EBF4: variants seen among roughly 807,000 people sequenced by gnomAD.
EBF4 encodes the protein EBF transcription factor 4.
Under a neutral mutation model 67.1 loss-of-function variants are expected in EBF4, and 34 were observed. That is an observed-to-expected ratio of 0.51 (90% CI 0.39 to 0.67). The LOEUF (loss-of-function observed/expected upper bound fraction) is 0.67. EBF4 is among the 30% of genes least tolerant of loss of function. EBF4 has a pLI of 0.00. For missense variants in EBF4, 837 were observed against 873.3 expected (o/e 0.96, Z 0.52); for synonymous variants, 387 against 377.7 (o/e 1.02, Z -0.29).
Position 2,705,038 on chromosome 20 carries a change from C to G in EBF4, c.138-539C>G, listed in dbSNP as rs138155901. ...GGTGCTCCCTACCTTCAGCCAGGGC[C>G]CAGGCCAGGCAGACTAGTGGTCCTG... On this transcript the variant is annotated intron_variant, in intron 1 of 16. Transcript: ENST00000609451. Among the ~76,000 whole-genome samples the G allele has an allele frequency of 4.2e-3, 633 of 152,376 alleles. 4 individuals are homozygous for G. Among genetic ancestry groups the G allele is most frequent in the African/African-American group, 0.014 (584 of 41,590 alleles).
intron 6 of EBF4, among the ~76,000 whole-genome samples, chr20:2,729,304 G>A (rs554240073): frequency 6.6e-6 from 1 of 152,240 alleles, no homozygotes; most frequent in East Asian, 1.9e-4. Context: ...TGAAAAACAG[G>A]CATGGTCCTT....
chr20:2,693,412 GA>G (rs1428986026), upstream of EBF4, among the ~76,000 whole-genome samples: 7 of 151,782 alleles, frequency 4.6e-5, no homozygotes, highest in Non-Finnish European at 8.8e-5. The surrounding 1 kb of genome is among the most constrained non-coding windows in gnomAD (Gnocchi z 4.6). Context: ...GGCCGCGGGG[GA>G]ATCCCTCCAT....
intron 6 of EBF4, among the ~76,000 whole-genome samples, chr20:2,711,934 G>A (rs2087549696): frequency 6.6e-6 from 1 of 152,202 alleles, no homozygotes; most frequent in Non-Finnish European, 1.5e-5. Context: ...GTAAGAGAGT[G>A]AGCGATGTAT....
At chr20:2,752,608 G>A (rs2088173580) in intron 14 of EBF4, 63 bp downstream of exon 14, 3 of 1,173,248 alleles carry the variant, frequency 2.6e-6, no homozygotes, top group Admixed American at 4.3e-5. Flanking sequence ...ACTCAGCCCC[G>A]CCCCCGCCCA....
chr20:2,729,572 G>A (rs571336145), intron 6 of EBF4, among the ~76,000 whole-genome samples: 5 of 152,056 alleles, frequency 3.3e-5, no homozygotes, highest in Non-Finnish European at 7.4e-5. Context: ...CATTGAGATG[G>A]GGGGAGCTAC....
Position 2,707,893 on chromosome 20 carries a change from T to G in EBF4, c.415-54T>G. 6.7e-7 allele frequency: 1 copy of G among 1,500,202 alleles called. No homozygotes were observed. The highest frequency in any genetic ancestry group is 1.4e-5 in the African/African-American group (1 of 72,338). 92.9% of individuals were successfully genotyped at this position (1,500,202 alleles called of 1,614,324 possible). On this transcript the variant is annotated intron_variant, in intron 4 of 16. Coordinates refer to ENST00000609451, the Ensembl canonical transcript of EBF4. This position sits in a 1 kb window ranked among gnomAD's most constrained non-coding sequence, Gnocchi z 4.6. Reference sequence around the variant, plus strand: ...TGCCAGGTCCGTCTGTGCTGCCACCTGCACCTCAGAGGAGCCTCCTTCCCC... The same window carrying G: ...TGCCAGGTCCGTCTGTGCTGCCACCGGCACCTCAGAGGAGCCTCCTTCCCC...
intron 6 of EBF4, among the ~76,000 whole-genome samples, chr20:2,741,085 A>C (rs2087960677): frequency 6.6e-6 from 1 of 152,106 alleles, no homozygotes; most frequent in African/African-American, 2.4e-5. Flanking sequence ...CTGAATCAGA[A>C]GGATCGCCTG....
At position 2,696,402 on chromosome 20, in the gene EBF4, G is replaced by A. The variant is rs2087289186; in HGVS notation, c.137+2620G>A. ...TGGGAGGATTGCTTGAGCCCGGGAG[G>A]CAGAGGCTTCGGTGAGCCAAGATCG... On this transcript the variant is annotated intron_variant, in intron 1 of 16. Coordinates refer to ENST00000609451, the Ensembl canonical transcript of EBF4. The surrounding 1 kb of genome is among the most constrained non-coding windows in gnomAD (Gnocchi z 4.7). Among the ~76,000 whole-genome samples the A allele has an allele frequency of 6.6e-6, 1 of 152,108 alleles. No individual in the cohort carries two copies. Among genetic ancestry groups the A allele is most frequent in the Non-Finnish European group, 1.5e-5 (1 of 68,020 alleles).
In EBF4 at chr20:2,755,329, C is replaced by A; in HGVS notation, c.1541-298C>A. ...AAATCCTGAAGTAGTCCAGCTGTTG[C>A]TCATCTCATTTTTGGGGGGTACCTC... On this transcript the variant is annotated intron_variant, in intron 14 of 16. Coordinates refer to ENST00000609451, the Ensembl canonical transcript of EBF4. This position sits in a 1 kb window ranked among gnomAD's most constrained non-coding sequence, Gnocchi z 4.7. 2.4e-6 allele frequency: 1 copy of A among 415,572 alleles called. No homozygotes were observed. Among genetic ancestry groups the A allele is most frequent in the Non-Finnish European group, 4.3e-6 (1 of 231,794 alleles). 25.7% of individuals were successfully genotyped at this position (415,572 alleles called of 1,614,324 possible). A position where few individuals can be genotyped will look rare whatever the true frequency, so the allele number is the denominator to read the frequency against.
At position 2,707,957 on chromosome 20, in the gene EBF4, A is replaced by G. The variant is rs2087482098; in HGVS notation, c.425A>G (p.Tyr142Cys). 6.2e-7 allele frequency: 1 copy of G among 1,601,898 alleles called. No homozygotes were observed. The highest frequency in any genetic ancestry group is 8.5e-7 in the Non-Finnish European group (1 of 1,173,660). ...CCTCCCTCTCCCCAGGCCATCATCT[A>G]TGAGGGGCAGGACAAGAACCCCGAA... is the stretch of plus-strand genomic sequence containing the variant. The change falls in exon 5 of 17, where the codon TAT (tyrosine) becomes TGT (cysteine). Residue 142 changes from tyrosine to cysteine, a missense_variant. Coordinates refer to ENST00000609451, the Ensembl canonical transcript of EBF4. The surrounding 1 kb of genome is among the most constrained non-coding windows in gnomAD (Gnocchi z 4.6).
chr20:2,710,365 G>A (rs1338223613), intron 6 of EBF4, among the ~76,000 whole-genome samples: 1 of 151,990 alleles, frequency 6.6e-6, no homozygotes, highest in Non-Finnish European at 1.5e-5. Context: ...GCTCAGGCTG[G>A]TCTTGAACTC....
chr20:2,728,894 C>G (rs1428235552), intron 6 of EBF4, among the ~76,000 whole-genome samples: 1 of 151,998 alleles, frequency 6.6e-6, no homozygotes, highest in Non-Finnish European at 1.5e-5. Flanking sequence ...TATTAATACT[C>G]TGTGTAATTT....
rs1190077056 is a variant in EBF4 at position 2,751,909 on chromosome 20, C to T, written c.1108-13C>T. 3.2e-6 allele frequency: 5 copies of T among 1,544,866 alleles called. No homozygotes were observed. The Admixed American group carries it at 5.9e-5, about 18-fold the overall frequency. ...CTGCCCCTCCGTCCCGCTGTCTCTCCCCCTGTCCCCAGGAAGTGCTGCTGA... is the reference window on the plus strand; with the variant it reads ...CTGCCCCTCCGTCCCGCTGTCTCTCTCCCTGTCCCCAGGAAGTGCTGCTGA... On this transcript the variant is annotated splice_polypyrimidine_tract_variant and intron_variant, in intron 11 of 16. Coordinates refer to ENST00000609451, the Ensembl canonical transcript of EBF4. The surrounding 1 kb of genome is among the most constrained non-coding windows in gnomAD (Gnocchi z 5.2).
At position 2,755,622 on chromosome 20, in the gene EBF4, C is replaced by CCCCGT; in HGVS notation, c.1541-5_1541-4insCCCGT. ...GCGCCTGCCCCTCCCCGCCCCGCCC[C>CCCCGT]GGAGTCATGCCCTCTAGCCCCCCGC... On this transcript the variant is annotated splice_polypyrimidine_tract_variant and splice_region_variant and intron_variant, in intron 14 of 16. Coordinates refer to ENST00000609451, the Ensembl canonical transcript of EBF4. The surrounding 1 kb of genome is among the most constrained non-coding windows in gnomAD (Gnocchi z 4.7). 1 of 1,439,304 alleles carries CCCCGT rather than the reference C, an allele frequency of 6.9e-7. No individual in the cohort carries two copies. Among genetic ancestry groups the CCCCGT allele is most frequent in the Non-Finnish European group, 9.5e-7 (1 of 1,050,344 alleles). 89.2% of individuals were successfully genotyped at this position (1,439,304 alleles called of 1,614,324 possible).
chr20:2,747,677 G>A lies in EBF4; in HGVS notation c.558-872G>A, dbSNP rs1387550449. ...CATGTGGGAGGTGAATTTGCTGGGG[G>A]CATCTGCTATATGGGATGGCTTTAC... On this transcript the variant is annotated intron_variant, in intron 6 of 16. Coordinates refer to ENST00000609451, the Ensembl canonical transcript of EBF4. This position sits in a 1 kb window ranked among gnomAD's most constrained non-coding sequence, Gnocchi z 4.6. Among the ~76,000 whole-genome samples the A allele has an allele frequency of 6.6e-6, 1 of 152,160 alleles. No homozygotes were observed. Among genetic ancestry groups the A allele is most frequent in the Non-Finnish European group, 1.5e-5 (1 of 68,020 alleles).
rs1280338865 is a variant in EBF4, at chr20:2,739,454, T to C, written c.558-9095T>C. 6.6e-6 allele frequency among the ~76,000 whole-genome samples: 1 copy of C among 152,120 alleles called. No individual in the cohort carries two copies. The highest frequency in any genetic ancestry group is 1.9e-4 in the East Asian group (1 of 5,192). On this transcript the variant is annotated intron_variant, in intron 6 of 16. Coordinates refer to ENST00000609451, the Ensembl canonical transcript of EBF4. The surrounding 1 kb of genome is among the most constrained non-coding windows in gnomAD (Gnocchi z 4.5). ...TCCCCTAGGCAAAATAAGTGGCCACTGCAGATTACACTTGGCACATCCTCC... is the reference window on the plus strand; with the variant it reads ...TCCCCTAGGCAAAATAAGTGGCCACCGCAGATTACACTTGGCACATCCTCC...
intron 6 of EBF4, 141 bp from the exon 7 acceptor site, chr20:2,748,408 T>C (rs1288127980): frequency 4.1e-6 from 3 of 738,712 alleles, no homozygotes; most frequent in Non-Finnish European, 6.6e-6. Flanking sequence ...GAGGCCATGA[T>C]GGGAATATGG....
At chr20:2,709,139 A>C (rs1277719125) in intron 5 of EBF4, among the ~76,000 whole-genome samples, 2 of 152,206 alleles carry the variant, frequency 1.3e-5, no homozygotes, top group Non-Finnish European at 2.9e-5. Context: ...GTGAGCCAAC[A>C]TCACGTCACT....
intron 6 of EBF4, among the ~76,000 whole-genome samples, chr20:2,727,184 G>A (rs939430486): frequency 6.6e-6 from 1 of 151,740 alleles, no homozygotes; most frequent in Non-Finnish European, 1.5e-5. Context: ...TTTATAACAT[G>A]TATATATATT....
Sources: gnomAD v4.1 joint callset for allele counts (sites outside exome capture counted in the v4.1 genomes callset) on GRCh38, gnomAD v4.1.1 for gene constraint, Gnocchi (gnomAD v3.1) non-coding constraint, MANE v1.5 for transcripts, NCBI Gene and HGNC (gene_info 2026-07-23, HGNC 2026-07-21) for gene names.